LIPI: variants seen among roughly 807,000 people sequenced by gnomAD.
LIPI encodes lipase I.
LIPI carries 59 observed loss-of-function variants against 50.6 expected under a neutral mutation model. That is an observed-to-expected ratio of 1.16 (90% CI 0.94 to 1.45). The LOEUF is 1.45. LIPI is among the 40% of genes most tolerant of loss of function. LIPI has a pLI of 0.00. For synonymous variants in LIPI, 203 were observed against 178.2 expected, an observed-to-expected ratio of 1.14 and a Z score of -1.11; for missense variants, 586 against 536.3, an observed-to-expected ratio of 1.09 and a Z score of -0.92.
intron 1 of LIPI, among the ~76,000 whole-genome samples, chr21:14,209,321 T>C (rs557610921): frequency 9.6e-4 from 146 of 152,320 alleles, no homozygotes; most frequent in African/African-American, 3.3e-3. Context: ...GCAGATTTAA[T>C]CAATGATTTT....
At chr21:14,176,830 G>A (rs1460309799) in intron 4 of LIPI, among the ~76,000 whole-genome samples, 1 of 150,610 alleles carries the variant, frequency 6.6e-6, no homozygotes, top group Admixed American at 6.6e-5. Context: ...TGGTACATGT[G>A]CACTACGTGC....
intron 7 of LIPI, among the ~76,000 whole-genome samples, chr21:14,161,322 T>G (rs959032914): frequency 1.4e-5 from 2 of 145,880 alleles, no homozygotes; most frequent in African/African-American, 5.0e-5. Context: ...CCTATAGATA[T>G]ATATGTAATA....
chr21:14,152,257 T>C (rs1475288413), intron 8 of LIPI, among the ~76,000 whole-genome samples: 1 of 151,910 alleles, frequency 6.6e-6, no homozygotes, highest in Non-Finnish European at 1.5e-5. Context: ...CGTGCCACCA[T>C]GCCCAGCTAA....
chr21:14,181,971 T>A, intron 3 of LIPI, 112 bp from the exon 4 acceptor site: 1 of 698,444 alleles, frequency 1.4e-6, no homozygotes, highest in Non-Finnish European at 2.6e-6. Context: ...ACTTTTAGTT[T>A]AAACCTATCC....
At chr21:14,133,463 A>C (rs2017373694) in intron 9 of LIPI, among the ~76,000 whole-genome samples, 1 of 152,248 alleles carries the variant, frequency 6.6e-6, no homozygotes, top group Non-Finnish European at 1.5e-5. Context: ...CTAGACATAG[A>C]AGGAACATAC....
chr21:14,168,836 T>A (rs1042339744), intron 4 of LIPI, among the ~76,000 whole-genome samples: 22 of 152,138 alleles, frequency 1.4e-4, no homozygotes, highest in African/African-American at 5.3e-4. Flanking sequence ...GCTAACATAA[T>A]GACAGGATCA....
At chr21:14,201,063 A>G (rs546112288) in intron 1 of LIPI, among the ~76,000 whole-genome samples, 13 of 152,162 alleles carry the variant, frequency 8.5e-5, no homozygotes, top group Non-Finnish European at 1.6e-4. Context: ...CCATATGAAG[A>G]AGATTGAAAC....
chr21:14,176,702 T>C (rs2019109398), intron 4 of LIPI, among the ~76,000 whole-genome samples: 1 of 150,526 alleles, frequency 6.6e-6, no homozygotes, highest in Non-Finnish European at 1.5e-5. Context: ...GATACAAACA[T>C]TTTTATTTGC....
chr21:14,180,145 G>T (rs2123236049), intron 4 of LIPI, among the ~76,000 whole-genome samples: 1 of 152,230 alleles, frequency 6.6e-6, no homozygotes, highest in Non-Finnish European at 1.5e-5. Context: ...AGTACCCTCA[G>T]GCTTCCTAGG....
intron 4 of LIPI, among the ~76,000 whole-genome samples, chr21:14,174,237 T>G (rs1462753586): frequency 6.6e-6 from 1 of 152,158 alleles, no homozygotes; most frequent in Non-Finnish European, 1.5e-5. Flanking sequence ...TTTATCAGAT[T>G]GGGTGGGGGG....
intron 7 of LIPI, among the ~76,000 whole-genome samples, chr21:14,154,345 T>C (rs1012478168): frequency 6.6e-6 from 1 of 152,030 alleles, no homozygotes; most frequent in African/African-American, 2.4e-5. Context: ...TCTTTTCATT[T>C]CTGACTGAGG....
intron 1 of LIPI, among the ~76,000 whole-genome samples, chr21:14,204,438 A>G (rs1010311642): frequency 1.3e-5 from 2 of 152,080 alleles, no homozygotes; most frequent in African/African-American, 4.8e-5. Context: ...TATAAGCATT[A>G]ATATCATGAA....
intron 8 of LIPI, among the ~76,000 whole-genome samples, chr21:14,149,244 C>T (rs906604265): frequency 5.3e-5 from 8 of 152,188 alleles, no homozygotes; most frequent in Middle Eastern, 3.4e-3. Flanking sequence ...GAATGAGAAT[C>T]GAGCAAATAG....
At chr21:14,171,235 AAC>A (rs1436865816) in intron 4 of LIPI, among the ~76,000 whole-genome samples, 2 of 150,210 alleles carry the variant, frequency 1.3e-5, no homozygotes, top group African/African-American at 2.4e-5. Flanking sequence ...CAAATGGAAG[AAC>A]ATTCCATGCT....
At chr21:14,129,816 A>ATTT (rs1568838597) in intron 9 of LIPI, among the ~76,000 whole-genome samples, 24 of 151,116 alleles carry the variant, frequency 1.6e-4, no homozygotes, top group African/African-American at 5.8e-4. Flanking sequence ...TTTTAAAAAA[A>ATTT]AAAAAAGCTT....
chr21:14,112,402 A>C (rs937341823), intron 9 of LIPI, among the ~76,000 whole-genome samples: 1 of 152,028 alleles, frequency 6.6e-6, no homozygotes, highest in East Asian at 1.9e-4. Context: ...TAGAGATTTC[A>C]TTAAATCTGT....
intron 9 of LIPI, among the ~76,000 whole-genome samples, chr21:14,123,373 TG>T: frequency 6.6e-6 from 1 of 152,156 alleles, no homozygotes; most frequent in East Asian, 1.9e-4. Context: ...ACACTACAAA[TG>T]TTTGGAGAGC....
chr21:14,170,683 C>G (rs1414227522), intron 4 of LIPI, among the ~76,000 whole-genome samples: 1 of 152,020 alleles, frequency 6.6e-6, no homozygotes, highest in Non-Finnish European at 1.5e-5. Flanking sequence ...GCTAAAAACT[C>G]TCAATAAATT....
At chr21:14,146,292 A>G (rs2123068747) in intron 8 of LIPI, among the ~76,000 whole-genome samples, 1 of 152,204 alleles carries the variant, frequency 6.6e-6, no homozygotes, top group African/African-American at 2.4e-5. Flanking sequence ...CAACCAAAAA[A>G]AAAAAAAATA....
Sources: gnomAD v4.1 joint callset for allele counts (sites outside exome capture counted in the v4.1 genomes callset) on GRCh38, gnomAD v4.1.1 for gene constraint, MANE v1.5 for transcripts, NCBI Gene and HGNC (gene_info 2026-07-23, HGNC 2026-07-21) for gene names.